The following RNF220 variants were observed in gnomAD, a reference collection of about 807,000 sequenced individuals.
RNF220 encodes the protein E3 ubiquitin-protein ligase RNF220.
In RNF220, 7 loss-of-function variants were observed where a neutral mutation model predicts 67.1. That is an observed-to-expected ratio of 0.10 (90% CI 0.06 to 0.20). The LOEUF (loss-of-function observed/expected upper bound fraction) is 0.20, where lower values mean the gene tolerates loss of function less well. Ranked by LOEUF, RNF220 falls within the 10% of genes least tolerant of loss-of-function variation. RNF220 has a pLI of 1.00. For missense variants in RNF220, 565 were observed against 740.3 expected (o/e 0.76, Z 2.75); for synonymous variants, 270 against 283.2 (o/e 0.95, Z 0.47).
At chr1:44,610,162 G>A (rs542871588) in intron 2 of RNF220, among the ~76,000 whole-genome samples, 4 of 152,332 alleles carry the variant, frequency 2.6e-5, no homozygotes, top group Non-Finnish European at 5.9e-5. Flanking sequence ...GGAGGGGAGG[G>A]GGCTGCGGGC....
chr1:44,559,035 A>G (rs1334277145), intron 2 of RNF220, among the ~76,000 whole-genome samples: 3 of 152,212 alleles, frequency 2.0e-5, no homozygotes, highest in East Asian at 3.8e-4. Flanking sequence ...GGCAGAGACA[A>G]TGATAGTTTT....
At chr1:44,587,305 G>A (rs1324438014) in intron 2 of RNF220, among the ~76,000 whole-genome samples, 1 of 151,788 alleles carries the variant, frequency 6.6e-6, no homozygotes, top group South Asian at 2.1e-4. Flanking sequence ...CCGCCACCAC[G>A]CCTGGCTAAT....
chr1:44,560,387 G>C (rs574380491), intron 2 of RNF220, among the ~76,000 whole-genome samples: 7 of 152,304 alleles, frequency 4.6e-5, no homozygotes, highest in African/African-American at 1.7e-4. Flanking sequence ...GGTCTTTCTT[G>C]CCATCATCAG....
intron 2 of RNF220, among the ~76,000 whole-genome samples, chr1:44,438,338 G>A (rs1189929097): frequency 6.6e-6 from 1 of 152,182 alleles, no homozygotes; most frequent in Non-Finnish European, 1.5e-5. Flanking sequence ...GCCCAGGCTA[G>A]TCTCAAACTC....
At chr1:44,443,202 A>G (rs917468490) in intron 2 of RNF220, among the ~76,000 whole-genome samples, 3 of 152,186 alleles carry the variant, frequency 2.0e-5, no homozygotes, top group Admixed American at 6.5e-5. Context: ...CAGATTTACC[A>G]TCTTCTCCCA....
At chr1:44,440,923 G>A (rs1041570804) in intron 2 of RNF220, among the ~76,000 whole-genome samples, 1 of 152,306 alleles carries the variant, frequency 6.6e-6, no homozygotes, top group Non-Finnish European at 1.5e-5. Context: ...ACATTAGCCA[G>A]ATTCAAGGAT....
intron 2 of RNF220, among the ~76,000 whole-genome samples, chr1:44,504,267 C>T (rs113668381): frequency 0.017 from 2,587 of 152,326 alleles, 33 homozygotes; most frequent in Non-Finnish European, 0.029. Flanking sequence ...ATAACTTGCT[C>T]TGGTAGAAGC....
rs1644773163 is a variant in RNF220 at position 44,650,864 on chromosome 1, C to G, written c.*89C>G. 1.7e-6 allele frequency: 2 copies of G among 1,168,082 alleles called. No homozygotes were observed. Among genetic ancestry groups the G allele is most frequent in the African/African-American group, 1.5e-5 (1 of 66,508 alleles). The allele number at this position is 1,168,082 out of a possible 1,614,324, so 72.4% of individuals were successfully genotyped here. On this transcript the variant is annotated 3_prime_UTR_variant, in exon 15 of 15. Transcript: ENST00000361799. The surrounding 1 kb of genome is among the most constrained non-coding windows in gnomAD (Gnocchi z 4.3). ...GACCGTCTCCCTTTGTACATACTTG[C>G]ACACAGGTTCCCCATGTACATACAT... is the stretch of plus-strand genomic sequence containing the variant.
chr1:44,531,789 T>C (rs1394632334), intron 2 of RNF220, among the ~76,000 whole-genome samples: 1 of 152,212 alleles, frequency 6.6e-6, no homozygotes, highest in Non-Finnish European at 1.5e-5. Context: ...ACTGCTTGAA[T>C]ACCTCTTATG....
chr1:44,527,309 A>G (rs1476486687), intron 2 of RNF220, among the ~76,000 whole-genome samples: 3 of 152,082 alleles, frequency 2.0e-5, no homozygotes, highest in Non-Finnish European at 4.4e-5. Context: ...ACCTAGTTTG[A>G]CCTAGAGTCT....
At chr1:44,594,743 G>T (rs564490852) in intron 2 of RNF220, among the ~76,000 whole-genome samples, 2 of 152,170 alleles carry the variant, frequency 1.3e-5, no homozygotes, top group Non-Finnish European at 2.9e-5. Flanking sequence ...TGGGAACTGG[G>T]GTTAATTTGG....
intron 2 of RNF220, among the ~76,000 whole-genome samples, chr1:44,549,967 G>A (rs1046003961): frequency 3.9e-5 from 6 of 152,212 alleles, no homozygotes; most frequent in African/African-American, 1.4e-4. Flanking sequence ...AAGTGAAGCA[G>A]CAAGGACTCC....
chr1:44,575,133 C>T (rs564333580), intron 2 of RNF220, among the ~76,000 whole-genome samples: 3 of 151,782 alleles, frequency 2.0e-5, no homozygotes, highest in African/African-American at 7.3e-5. Context: ...TTCCTTCCAT[C>T]TAACTGTATT....
intron 2 of RNF220, among the ~76,000 whole-genome samples, chr1:44,441,295 T>A (rs12085869): frequency 0.23 from 35,397 of 152,030 alleles, 4,399 homozygotes; most frequent in South Asian, 0.36. Flanking sequence ...AGGAAAGTCA[T>A]GCCTGGCAGG....
At position 44,491,316 on chromosome 1, in the gene RNF220, CAT is replaced by C. The variant is rs574841074; in HGVS notation, c.625+78605_625+78606del. On this transcript the variant is annotated intron_variant, in intron 2 of 14. Transcript: ENST00000361799. ...ACTTTAGACAAATAACTCTTATGAA[CAT>C]ATATATATATGTATATATAAATCTG... Among the ~76,000 whole-genome samples the C allele has an allele frequency of 1.8e-4, 27 of 151,522 alleles. No individual in the cohort carries two copies. In the East Asian group the frequency reaches 4.8e-3, roughly 27 times the overall value.
At chr1:44,500,147 G>A (rs539405752) in intron 2 of RNF220, among the ~76,000 whole-genome samples, 10 of 152,258 alleles carry the variant, frequency 6.6e-5, no homozygotes, top group African/African-American at 9.6e-5. Context: ...CTTGCCATTC[G>A]TTCAAAGTAA....
At chr1:44,568,910 C>T (rs1237027670) in intron 2 of RNF220, among the ~76,000 whole-genome samples, 1 of 125,416 alleles carries the variant, frequency 8.0e-6, no homozygotes, top group Non-Finnish European at 1.8e-5. Context: ...GGTTTGGGTC[C>T]AGACAGACTG....
intron 2 of RNF220, among the ~76,000 whole-genome samples, chr1:44,588,697 G>A (rs182087727): frequency 2.1e-4 from 32 of 152,298 alleles, no homozygotes; most frequent in African/African-American, 6.3e-4. Context: ...CAGCTGGGCC[G>A]ACTGCTGGGC....
intron 8 of RNF220, among the ~76,000 whole-genome samples, chr1:44,640,793 A>G (rs1310642045): frequency 1.3e-5 from 2 of 152,228 alleles, no homozygotes; most frequent in South Asian, 4.1e-4. Flanking sequence ...CCGTAACTGC[A>G]TCTGTAACTA....
Sources: gnomAD v4.1 joint callset for allele counts (sites outside exome capture counted in the v4.1 genomes callset) on GRCh38, gnomAD v4.1.1 for gene constraint, Gnocchi (gnomAD v3.1) non-coding constraint, MANE v1.5 for transcripts, NCBI Gene and HGNC (gene_info 2026-07-23, HGNC 2026-07-21) for gene names.